Variants in GPALPP1 observed in about 807,000 individuals in gnomAD.
GPALPP1 encodes GPALPP motifs-containing protein 1.
A neutral mutation model predicts 38.9 loss-of-function variants in GPALPP1; 30 were observed. The ratio of observed to expected loss-of-function variants is 0.77; its 90% CI spans 0.58 to 1.05. The LOEUF (loss-of-function observed/expected upper bound fraction) is 1.05, where lower values mean the gene tolerates loss of function less well. Ranked by LOEUF, GPALPP1 falls within the 50% of genes least tolerant of loss-of-function variation. GPALPP1 has a pLI of 0.00. For missense variants in GPALPP1, 384 were observed against 408.8 expected (o/e 0.94, Z 0.52); for synonymous variants, 120 against 139.2 (o/e 0.86, Z 0.97).
rs1214173338 is a variant in GPALPP1, at chr13:45,015,603, G to T, written c.705+7G>T. 6.9e-7 allele frequency: 1 copy of T among 1,453,298 alleles called. No homozygotes were observed. The allele number at this position is 1,453,298 out of a possible 1,614,324, so 90.0% of individuals were successfully genotyped here. A position where few individuals can be genotyped will look rare whatever the true frequency, so the allele number is the denominator to read the frequency against. On this transcript the variant is annotated splice_region_variant and intron_variant, in intron 6 of 7. Transcript: ENST00000379151. ...TAGGGAAAGGAAAGCTAAGGTGAGA[G>T]GTTTTGTTTGTTTGTTCATGTATTT...
intron 1 of GPALPP1, among the ~76,000 whole-genome samples, chr13:44,993,636 C>T (rs1873014867): frequency 6.6e-6 from 1 of 151,042 alleles, no homozygotes; most frequent in South Asian, 2.1e-4. Flanking sequence ...GAGCCGAGAT[C>T]GCGCCACTGC....
chr13:45,030,593 AG>A (rs1429635022), downstream of GPALPP1: 1 of 152,038 alleles, frequency 6.6e-6, no homozygotes, highest in Non-Finnish European at 1.5e-5. Context: ...ATATTGTTCC[AG>A]GCTGGTCTCG....
In GPALPP1 at chr13:45,027,938, C is replaced by A. The variant is rs554127017; in HGVS notation, c.958C>A (p.Leu320Ile). The change falls in exon 8 of 8, where the codon CTA becomes ATA. Residue 320 changes from leucine (L) to isoleucine (I), a missense_variant. Physicochemically the swap from Leu to Ile is conservative, Grantham distance 5 (BLOSUM62 2). Transcript: ENST00000379151. ...GTTTGATGAAGCTCAGAAAAAAGCC[C>A]TAATAAAAAAATCTAGAGAACTAAA... ...NRFDEAQKKA[L>I]IKKSRELNTR... is the part of the protein sequence containing the mutation. 3 of 1,611,812 alleles carry A rather than the reference C, an allele frequency of 1.9e-6. No individual in the cohort carries two copies. The highest frequency in any genetic ancestry group is 2.2e-5 in the South Asian group (2 of 90,996).
chr13:45,027,936 C>T lies in GPALPP1; in HGVS notation c.956C>T (p.Ala319Val), dbSNP rs1371521005. 1 of 1,611,178 alleles carries T rather than the reference C, an allele frequency of 6.2e-7. No individual in the cohort carries two copies. Among genetic ancestry groups the T allele is most frequent in the Non-Finnish European group, 8.5e-7 (1 of 1,177,856 alleles). Reference protein sequence around the residue: ...VNRFDEAQKKALIKKSRELNT... With the variant: ...VNRFDEAQKKVLIKKSRELNT... ...CGGTTTGATGAAGCTCAGAAAAAAG[C>T]CCTAATAAAAAAATCTAGAGAACTA... The change falls in exon 8 of 8, where the codon GCC becomes GTC. Residue 319 changes from alanine to valine, a missense_variant. Coordinates refer to ENST00000379151, the MANE Select transcript of GPALPP1 (RefSeq NM_018559.5).
intron 1 of GPALPP1, among the ~76,000 whole-genome samples, chr13:44,995,999 C>T (rs1340146474): frequency 6.6e-6 from 1 of 152,160 alleles, no homozygotes; most frequent in Non-Finnish European, 1.5e-5. Flanking sequence ...ATCCCCAATA[C>T]TAGCAGGGTA....
At chr13:45,019,459 T>G (rs1170729303) in intron 6 of GPALPP1, among the ~76,000 whole-genome samples, 2 of 152,118 alleles carry the variant, frequency 1.3e-5, no homozygotes, top group Non-Finnish European at 2.9e-5. Flanking sequence ...CTTGCTGCTA[T>G]ATTTTGTATA....
intron 2 of GPALPP1, 132 bp from the exon 3 acceptor site, chr13:45,006,070 A>T: frequency 1.8e-6 from 1 of 565,326 alleles, no homozygotes. Context: ...TCCAGTTTTT[A>T]TTTGGCAGGA....
At position 45,015,008 on chromosome 13, in the gene GPALPP1, A is replaced by C; in HGVS notation, c.465A>C (p.Pro155=). ...TTGGACCAATGCCTGCAAAAGGACC[A>C]GTTAACTATAATGTAACGACAGAGT... ...DIIGPMPAKG[P]VNYNVTTEFE... is the part of the protein sequence containing the mutation. Residue 155 remains proline (P), a synonymous_variant, in exon 5 of 8, where the codon CCA becomes CCC. Transcript: ENST00000379151. 6.2e-7 allele frequency: 1 copy of C among 1,606,434 alleles called. No homozygotes were observed. Among genetic ancestry groups the C allele is most frequent in the Non-Finnish European group, 8.5e-7 (1 of 1,173,622 alleles).
intron 7 of GPALPP1, among the ~76,000 whole-genome samples, chr13:45,022,964 C>G (rs1394635577): frequency 1.3e-5 from 2 of 152,144 alleles, no homozygotes; most frequent in African/African-American, 4.8e-5. Context: ...TCACTTGAGC[C>G]TAGGAGTTTG....
At chr13:45,020,901 G>T (rs914794406) in intron 7 of GPALPP1, among the ~76,000 whole-genome samples, 3 of 152,104 alleles carry the variant, frequency 2.0e-5, no homozygotes, top group African/African-American at 7.2e-5. Flanking sequence ...AATTATTAGA[G>T]ATAGGTAGCA....
chr13:44,994,358 G>A (rs966074441), intron 1 of GPALPP1, among the ~76,000 whole-genome samples: 4 of 152,068 alleles, frequency 2.6e-5, no homozygotes, highest in South Asian at 2.1e-4. Context: ...CGAGGCGGGC[G>A]GATCACCTGA....
downstream of GPALPP1, chr13:45,034,780 A>T (rs1876349169): frequency 1.5e-5 from 2 of 134,682 alleles, no homozygotes; most frequent in Non-Finnish European, 3.1e-5. Context: ...TCTGTCGCCC[A>T]GACTGGAGTG....
At chr13:44,994,013 T>C (rs1234165081) in intron 1 of GPALPP1, among the ~76,000 whole-genome samples, 2 of 149,512 alleles carry the variant, frequency 1.3e-5, no homozygotes, top group African/African-American at 2.5e-5. Context: ...GAGGCAGGCA[T>C]TCTTGAACCC....
At chr13:45,034,599 TATG>T (rs1024801215), downstream of GPALPP1, 2 of 152,000 alleles carry the variant, frequency 1.3e-5, no homozygotes, top group African/African-American at 4.8e-5. Flanking sequence ...TTGTGAGAAA[TATG>T]ATGGTTCAGG....
chr13:45,009,283 G>A (rs1398299053), intron 4 of GPALPP1, among the ~76,000 whole-genome samples: 2 of 152,134 alleles, frequency 1.3e-5, no homozygotes, highest in African/African-American at 4.8e-5. Flanking sequence ...CTAAGCTTTA[G>A]TATCTGTGTA....
At position 45,008,805 on chromosome 13, in the gene GPALPP1, G is replaced by A; in HGVS notation, c.334G>A (p.Gly112Ser). 6.4e-7 allele frequency: 1 copy of A among 1,564,182 alleles called. No individual in the cohort carries two copies. The highest frequency in any genetic ancestry group is 8.8e-7 in the Non-Finnish European group (1 of 1,134,976). ...QDDSPPRPII[G>S]PALPPGFIKS... The stretch of plus-strand genomic sequence containing the variant: ...CATTTTATTTTTCAGGCCCATAATA[G>A]GTCCTGCATTGCCACCTGGTTTCAT... Residue 112 changes from glycine to serine, a missense_variant, in exon 4 of 8, where the codon GGT becomes AGT. Coordinates refer to ENST00000379151, the MANE Select transcript of GPALPP1 (RefSeq NM_018559.5).
intron 1 of GPALPP1, among the ~76,000 whole-genome samples, chr13:44,995,281 A>G (rs1406814165): frequency 1.3e-5 from 2 of 151,604 alleles, no homozygotes; most frequent in Non-Finnish European, 2.9e-5. Context: ...TTCATCTCGA[A>G]TAGTTTATCT....
At chr13:45,009,398 G>A (rs1043471782) in intron 4 of GPALPP1, among the ~76,000 whole-genome samples, 8 of 152,168 alleles carry the variant, frequency 5.3e-5, no homozygotes, top group Admixed American at 3.3e-4. Context: ...GTTGAGATTT[G>A]TAGAGTACTT....
At chr13:44,994,082 G>A (rs1266664683) in intron 1 of GPALPP1, among the ~76,000 whole-genome samples, 1 of 151,214 alleles carries the variant, frequency 6.6e-6, no homozygotes, top group African/African-American at 2.4e-5. Flanking sequence ...AAAAATACAG[G>A]TAGTGCATGC....
Sources: allele counts gnomAD v4.1 joint callset (sites outside exome capture counted in the v4.1 genomes callset), GRCh38; gene constraint gnomAD v4.1.1; transcripts MANE v1.5; gene names NCBI Gene and HGNC (gene_info 2026-07-23, HGNC 2026-07-21).